The following PRKN variants were observed in gnomAD, a reference collection of about 807,000 sequenced individuals.
PRKN encodes E3 ubiquitin-protein ligase parkin.
PRKN carries 56 observed loss-of-function variants against 59.5 expected under a neutral mutation model. The observed-to-expected ratio is 0.94, with a 90% CI of 0.76 to 1.18. PRKN has a LOEUF of 1.18. PRKN is among the 50% of genes most tolerant of loss of function. The pLI, the probability that PRKN is intolerant of heterozygous loss-of-function variation, is 0.00. For missense variants in PRKN, 657 were observed against 596.4 expected, an observed-to-expected ratio of 1.10 and a Z score of -1.06; for synonymous variants, 250 against 222.1, an observed-to-expected ratio of 1.13 and a Z score of -1.12.
At chr6:162,155,629 C>T (rs11965690) in intron 4 of PRKN, among the ~76,000 whole-genome samples, 4,095 of 152,016 alleles carry the variant, frequency 0.027, 192 homozygotes, top group African/African-American at 0.092. Flanking sequence ...GTCCATCAAG[C>T]GGAAAAGAAC....
rs1162985481 is a variant in PRKN, at chr6:161,458,649, T to C, written c.1084-71772A>G. The stretch of plus-strand genomic sequence containing the variant: ...ACATTTCAGCCATTAAGCTCAAAGT[T>C]TGTGTTTAAAATATATGTTTGTTTT... On this transcript the variant is annotated intron_variant, in intron 9 of 11. Coordinates refer to ENST00000366898, the MANE Select transcript of PRKN (RefSeq NM_004562.3). The surrounding 1 kb of genome is among the most constrained non-coding windows in gnomAD (Gnocchi z 6.1). Among the ~76,000 whole-genome samples the C allele has an allele frequency of 6.6e-6, 1 of 152,204 alleles. No individual in the cohort carries two copies. The highest frequency in any genetic ancestry group is 1.5e-5 in the Non-Finnish European group (1 of 68,040).
chr6:162,433,498 T>A (rs1421866765), intron 2 of PRKN, among the ~76,000 whole-genome samples: 1 of 152,116 alleles, frequency 6.6e-6, no homozygotes, highest in Non-Finnish European at 1.5e-5. Flanking sequence ...AAAACTCCCT[T>A]GGAATGAAAA....
chr6:162,229,675 C>T (rs1778337022), intron 3 of PRKN, among the ~76,000 whole-genome samples: 1 of 152,066 alleles, frequency 6.6e-6, no homozygotes, highest in Non-Finnish European at 1.5e-5. Flanking sequence ...CTGCCCTCGG[C>T]CTTGGCACTT....
intron 2 of PRKN, among the ~76,000 whole-genome samples, chr6:162,403,603 A>C (rs1787911620): frequency 6.6e-6 from 1 of 152,076 alleles, no homozygotes; most frequent in African/African-American, 2.4e-5. Context: ...CCCACACCTA[A>C]AACACAGCCT....
At position 161,388,761 on chromosome 6, in the gene PRKN, C is replaced by T. The variant is rs1786376553; in HGVS notation, c.1084-1884G>A. Reference sequence around the variant, plus strand: ...GCTGCCATATGGTAAGGAAGCTCAACAGCCCATGGGAGCCCCACATGGAGA... The same window carrying T: ...GCTGCCATATGGTAAGGAAGCTCAATAGCCCATGGGAGCCCCACATGGAGA... On this transcript the variant is annotated intron_variant, in intron 9 of 11. Coordinates refer to ENST00000366898, the MANE Select transcript of PRKN (RefSeq NM_004562.3). The surrounding 1 kb of genome is among the most constrained non-coding windows in gnomAD (Gnocchi z 4.3). Among the ~76,000 whole-genome samples the T allele has an allele frequency of 6.6e-6, 1 of 152,214 alleles. No homozygotes were observed. Among genetic ancestry groups the T allele is most frequent in the African/African-American group, 2.4e-5 (1 of 41,456 alleles).
chr6:161,369,594 T>C lies in PRKN; in HGVS notation c.1168-9389A>G, dbSNP rs1785357009. On this transcript the variant is annotated intron_variant, in intron 10 of 11. Transcript: ENST00000366898. The surrounding 1 kb of genome is among the most constrained non-coding windows in gnomAD (Gnocchi z 5.8). ...CTCACGGGGCAGTGTAACTGTTAGG[T>C]AATTGCATAGAATTCTGTGCCTGTC... Among the ~76,000 whole-genome samples the C allele has an allele frequency of 6.6e-6, 1 of 152,144 alleles. No individual in the cohort carries two copies. Among genetic ancestry groups the C allele is most frequent in the Non-Finnish European group, 1.5e-5 (1 of 68,032 alleles).
At chr6:162,409,183 T>C (rs1341180823) in intron 2 of PRKN, among the ~76,000 whole-genome samples, 1 of 151,636 alleles carries the variant, frequency 6.6e-6, no homozygotes, top group South Asian at 2.1e-4. Flanking sequence ...TTTTTTTTTA[T>C]AGACAGTGTC....
At chr6:161,888,469 C>T (rs1795232242) in intron 6 of PRKN, among the ~76,000 whole-genome samples, 1 of 152,222 alleles carries the variant, frequency 6.6e-6, no homozygotes. Context: ...ATCCTCTCAA[C>T]TTTGCCCACC....
chr6:162,301,790 G>C (rs74866167), intron 2 of PRKN, among the ~76,000 whole-genome samples: 15,980 of 106,196 alleles, frequency 0.15, 2,457 homozygotes, highest in East Asian at 0.66. Context: ...GGGCGGGGGG[G>C]GGGTGCAGAA....
At chr6:162,412,461 C>A (rs1788399941) in intron 2 of PRKN, among the ~76,000 whole-genome samples, 1 of 151,882 alleles carries the variant, frequency 6.6e-6, no homozygotes, top group African/African-American at 2.4e-5. Flanking sequence ...TCATAGCAAT[C>A]CAGTATACAT....
chr6:162,337,391 T>C (rs1783891569), intron 2 of PRKN, among the ~76,000 whole-genome samples: 1 of 152,248 alleles, frequency 6.6e-6, no homozygotes, highest in Non-Finnish European at 1.5e-5. Context: ...AACTAGACGA[T>C]GCCTCATCTT....
At chr6:161,601,437 G>T (rs1269707259) in intron 7 of PRKN, among the ~76,000 whole-genome samples, 2 of 151,988 alleles carry the variant, frequency 1.3e-5, no homozygotes, top group Non-Finnish European at 2.9e-5. Context: ...ACTCCCCAAA[G>T]GCCCTACCTC....
At chr6:162,528,476 A>G (rs1337999402) in intron 1 of PRKN, among the ~76,000 whole-genome samples, 2 of 152,194 alleles carry the variant, frequency 1.3e-5, no homozygotes, top group East Asian at 3.9e-4. Flanking sequence ...CATTCAAGCC[A>G]AGATATAAAT....
intron 6 of PRKN, among the ~76,000 whole-genome samples, chr6:161,959,271 C>T (rs373910277): frequency 9.2e-5 from 14 of 152,262 alleles, no homozygotes; most frequent in African/African-American, 1.4e-4. Flanking sequence ...CTGTCAGCAT[C>T]GGCACCTGTC....
At chr6:162,167,286 T>C (rs538945649) in intron 4 of PRKN, among the ~76,000 whole-genome samples, 1 of 152,306 alleles carries the variant, frequency 6.6e-6, no homozygotes, top group East Asian at 1.9e-4. Flanking sequence ...CTATTGTCAG[T>C]TGTTACATAA....
At chr6:162,399,619 A>G (rs1787656783) in intron 2 of PRKN, among the ~76,000 whole-genome samples, 1 of 152,148 alleles carries the variant, frequency 6.6e-6, no homozygotes, top group South Asian at 2.1e-4. Context: ...AGACTAAGAA[A>G]TCTCATCAGA....
At chr6:162,087,836 C>A (rs1398088243) in intron 4 of PRKN, among the ~76,000 whole-genome samples, 1 of 152,114 alleles carries the variant, frequency 6.6e-6, no homozygotes, top group Non-Finnish European at 1.5e-5. Flanking sequence ...TCGTGATCCA[C>A]CCGCCTCAGC....
Position 162,013,056 on chromosome 6 carries a change from C to T in PRKN, c.619-39639G>A, listed in dbSNP as rs553743853. On this transcript the variant is annotated intron_variant, in intron 5 of 11. Transcript: ENST00000366898. ...ACCAGTTTTAGTATCCATTGATAATCCCTGCTTGAATCAATTATTAGTATG... is the reference window on the plus strand; with the variant it reads ...ACCAGTTTTAGTATCCATTGATAATTCCTGCTTGAATCAATTATTAGTATG... Among the ~76,000 whole-genome samples the T allele has an allele frequency of 3.3e-5, 5 of 152,186 alleles. No homozygotes were observed. In the South Asian group the frequency reaches 1.0e-3, roughly 32 times the overall value.
chr6:162,127,189 T>A (rs1781159126), intron 4 of PRKN, among the ~76,000 whole-genome samples: 1 of 152,240 alleles, frequency 6.6e-6, no homozygotes, highest in Non-Finnish European at 1.5e-5. Context: ...TTATACAATG[T>A]TCGTACCAAG....
Sources: allele counts gnomAD v4.1 joint callset (sites outside exome capture counted in the v4.1 genomes callset), GRCh38; gene constraint gnomAD v4.1.1; non-coding constraint Gnocchi (gnomAD v3.1); transcripts MANE v1.5; gene names NCBI Gene and HGNC (gene_info 2026-07-23, HGNC 2026-07-21).